The following NTM variants were observed in gnomAD, a reference collection of about 807,000 sequenced individuals.
NTM encodes neurotrimin.
NTM carries 13 observed loss-of-function variants against 42.1 expected under a neutral mutation model. That is an observed-to-expected ratio of 0.31 (90% CI 0.20 to 0.49). The LOEUF (loss-of-function observed/expected upper bound fraction) is 0.49. Ranked by LOEUF, NTM falls within the 20% of genes least tolerant of loss-of-function variation. The pLI is 0.99. For synonymous variants in NTM, 187 were observed against 179.2 expected (o/e 1.04, Z -0.35); for missense variants, 373 against 452.8 (o/e 0.82, Z 1.60).
intron 1 of NTM, among the ~76,000 whole-genome samples, chr11:131,830,723 G>T (rs958115613): frequency 6.6e-6 from 1 of 152,176 alleles, no homozygotes; most frequent in African/African-American, 2.4e-5. Context: ...TTGATAGCTG[G>T]ATAGGAATAA....
chr11:131,940,371 G>A (rs1271568757), intron 2 of NTM, among the ~76,000 whole-genome samples: 1 of 152,174 alleles, frequency 6.6e-6, no homozygotes, highest in Non-Finnish European at 1.5e-5. Context: ...GGTGCTTGTT[G>A]GAGATAAAAC....
chr11:132,288,438 AC>A (rs760821140), intron 4 of NTM, among the ~76,000 whole-genome samples: 2 of 152,202 alleles, frequency 1.3e-5, no homozygotes, highest in African/African-American at 4.8e-5. Context: ...TAGCTACTAA[AC>A]TTAGCTACTT....
At chr11:132,134,946 C>A (rs2067600681) in intron 2 of NTM, among the ~76,000 whole-genome samples, 1 of 151,546 alleles carries the variant, frequency 6.6e-6, no homozygotes, top group Non-Finnish European at 1.5e-5. Context: ...TTTAAGGAAT[C>A]TCCACACTGT....
In NTM at chr11:131,645,992, T is replaced by G. The variant is rs114104274; in HGVS notation, c.83-265572T>G. Among the ~76,000 whole-genome samples the G allele has an allele frequency of 2.5e-3, 382 of 152,336 alleles. 3 individuals are homozygous for G. Among genetic ancestry groups the G allele is most frequent in the African/African-American group, 8.7e-3 (361 of 41,584 alleles). Reference sequence around the variant, plus strand: ...CTAATATCAACCTTAGCTATAGACATGTCAGTACGGAGCACAGGTGTGAAA... The same window carrying G: ...CTAATATCAACCTTAGCTATAGACAGGTCAGTACGGAGCACAGGTGTGAAA... On this transcript the variant is annotated intron_variant, in intron 1 of 8. Transcript: ENST00000683400.
intron 1 of NTM, among the ~76,000 whole-genome samples, chr11:131,834,438 C>T (rs997779991): frequency 1.3e-5 from 2 of 151,846 alleles, no homozygotes; most frequent in Non-Finnish European, 2.9e-5. Context: ...ATGTGGTAGG[C>T]ACTGTGCTGG....
chr11:132,243,134 T>C (rs188747928), intron 4 of NTM, among the ~76,000 whole-genome samples: 3 of 152,296 alleles, frequency 2.0e-5, no homozygotes, highest in Admixed American at 2.0e-4. Context: ...ACTTCCCTTC[T>C]CAATGTTTTT....
intron 1 of NTM, among the ~76,000 whole-genome samples, chr11:131,687,304 G>T (rs1410432637): frequency 6.6e-6 from 1 of 152,046 alleles, no homozygotes; most frequent in Non-Finnish European, 1.5e-5. Flanking sequence ...TCCCACCCCA[G>T]TTGCTTGAAT....
At chr11:131,589,494 T>C (rs2059174080) in intron 1 of NTM, among the ~76,000 whole-genome samples, 1 of 152,194 alleles carries the variant, frequency 6.6e-6, no homozygotes, top group African/African-American at 2.4e-5. Context: ...CCACAGGAGC[T>C]TCTGCAGAGG....
chr11:131,730,827 C>A (rs1442847073), intron 1 of NTM, among the ~76,000 whole-genome samples: 1 of 151,964 alleles, frequency 6.6e-6, no homozygotes, highest in African/African-American at 2.4e-5. Flanking sequence ...TCAAGGAGTT[C>A]TGTTAGAATC....
chr11:132,058,902 A>G (rs2080160019), intron 2 of NTM, among the ~76,000 whole-genome samples: 2 of 152,194 alleles, frequency 1.3e-5, no homozygotes, highest in South Asian at 2.1e-4. Context: ...AATTAAGCCA[A>G]TGTTTCCCAC....
chr11:131,662,954 T>TA (rs1168299051), intron 1 of NTM, among the ~76,000 whole-genome samples: 2 of 152,180 alleles, frequency 1.3e-5, no homozygotes, highest in Admixed American at 1.3e-4. Context: ...GTACATGGGA[T>TA]ATATTTGAAT....
At chr11:131,693,791 T>C (rs1230792713) in intron 1 of NTM, among the ~76,000 whole-genome samples, 1 of 152,146 alleles carries the variant, frequency 6.6e-6, no homozygotes, top group African/African-American at 2.4e-5. Context: ...ATGGAGTGTC[T>C]CTCTCCTCCC....
At chr11:131,609,841 C>T (rs2061328283) in intron 1 of NTM, among the ~76,000 whole-genome samples, 1 of 152,200 alleles carries the variant, frequency 6.6e-6, no homozygotes, top group Non-Finnish European at 1.5e-5. Flanking sequence ...TCACTCTTCC[C>T]TCTCAGGGAG....
intron 5 of NTM, among the ~76,000 whole-genome samples, chr11:132,309,819 G>A (rs2095223438): frequency 6.6e-6 from 1 of 152,136 alleles, no homozygotes; most frequent in Non-Finnish European, 1.5e-5. Flanking sequence ...CCTTTTGGAG[G>A]CTGAGGCGAG....
intron 2 of NTM, among the ~76,000 whole-genome samples, chr11:132,043,539 C>T (rs1277625826): frequency 1.3e-5 from 2 of 152,190 alleles, no homozygotes; most frequent in East Asian, 1.9e-4. Flanking sequence ...CCACATGGAG[C>T]CACAGACTCT....
At chr11:131,743,391 A>T (rs1459763384) in intron 1 of NTM, among the ~76,000 whole-genome samples, 1 of 152,214 alleles carries the variant, frequency 6.6e-6, no homozygotes, top group Non-Finnish European at 1.5e-5. Flanking sequence ...GAAAGTTTTC[A>T]TTAAAAAACT....
chr11:131,525,433 T>A (rs1479231646), intron 1 of NTM, among the ~76,000 whole-genome samples: 1 of 152,144 alleles, frequency 6.6e-6, no homozygotes, highest in East Asian at 1.9e-4. Context: ...TGAATGATGA[T>A]GTGGAGAAGG....
intron 2 of NTM, among the ~76,000 whole-genome samples, chr11:132,012,337 C>T (rs913453470): frequency 3.9e-5 from 6 of 152,256 alleles, no homozygotes; most frequent in Admixed American, 2.0e-4. Context: ...AAAATGTTAT[C>T]AAGTAGCTGT....
intron 1 of NTM, among the ~76,000 whole-genome samples, chr11:131,530,822 A>G (rs2051157639): frequency 6.6e-6 from 1 of 152,236 alleles, no homozygotes. Context: ...GACTAGAAAA[A>G]TCAAGACTGT....
Sources: allele counts gnomAD v4.1 joint callset (sites outside exome capture counted in the v4.1 genomes callset), GRCh38; gene constraint gnomAD v4.1.1; transcripts MANE v1.5; gene names NCBI Gene and HGNC (gene_info 2026-07-23, HGNC 2026-07-21).